Variants in FRMD6 observed in about 807,000 individuals in gnomAD.
The protein encoded by FRMD6 is FERM domain-containing protein 6.
Under a neutral mutation model 73.2 loss-of-function variants are expected in FRMD6, and 37 were observed. That is an observed-to-expected ratio of 0.51 (90% CI 0.39 to 0.66). The LOEUF is 0.66. FRMD6 is among the 30% of genes least tolerant of loss of function. The pLI, the probability that FRMD6 is intolerant of heterozygous loss-of-function variation, is 0.00. For synonymous variants in FRMD6, 273 were observed against 282.2 expected (o/e 0.97, Z 0.33); for missense variants, 714 against 780.5 (o/e 0.91, Z 1.02).
At chr14:51,646,699 G>C (rs1226879160) in intron 2 of FRMD6, among the ~76,000 whole-genome samples, 1 of 150,526 alleles carries the variant, frequency 6.6e-6, no homozygotes, top group Non-Finnish European at 1.5e-5. Flanking sequence ...CCTTTGTCCT[G>C]CCCTTCTGCT....
chr14:51,457,781 T>C, the FRMD6 span, among the ~76,000 whole-genome samples: 1 of 152,222 alleles, frequency 6.6e-6, no homozygotes, highest in Non-Finnish European at 1.5e-5. Flanking sequence ...AAAAGCATAT[T>C]GCATGGAGCA....
At chr14:51,698,101 A>G (rs750148111) in intron 2 of FRMD6, 41 bp from the exon 3 acceptor site, 2 of 1,434,054 alleles carry the variant, frequency 1.4e-6, no homozygotes, top group South Asian at 2.3e-5. Flanking sequence ...GGGTGGACTT[A>G]GTTGAATTGT....
At chr14:51,513,022 AC>A (rs1336021835) in intron 1 of FRMD6, among the ~76,000 whole-genome samples, 1 of 152,066 alleles carries the variant, frequency 6.6e-6, no homozygotes, top group East Asian at 1.9e-4. Context: ...GAGGCTTTCC[AC>A]CCTCACTCTC....
At chr14:51,637,464 G>GGC (rs561108447) in intron 2 of FRMD6, 9,356 of 127,938 alleles carry the variant, frequency 0.073, 284 homozygotes, top group Admixed American at 0.14. Context: ...GATACACACA[G>GGC]GCACACACAC....
chr14:51,582,829 A>G (rs1888803815), intron 2 of FRMD6, among the ~76,000 whole-genome samples: 1 of 152,200 alleles, frequency 6.6e-6, no homozygotes, highest in African/African-American at 2.4e-5. Context: ...CTTAGCTTTC[A>G]TGAAATGTCC....
At chr14:51,667,669 C>A (rs10147501) in intron 1 of FRMD6, among the ~76,000 whole-genome samples, 118,966 of 152,016 alleles carry the variant, frequency 0.78, 46,875 homozygotes, top group Non-Finnish European at 0.84. Flanking sequence ...GATTCAGAAA[C>A]ATTGACATGT....
At chr14:51,446,445 G>GACACACACACACACACACACACAC in the FRMD6 span, among the ~76,000 whole-genome samples, 15,993 of 138,994 alleles carry the variant, frequency 0.12, 1,167 homozygotes, top group South Asian at 0.14. Context: ...CTCTTGTGTA[G>GACACACACACACACACACACACAC]ACACACACAC....
chr14:51,709,928 T>C (rs887193739), intron 7 of FRMD6, among the ~76,000 whole-genome samples: 3 of 152,070 alleles, frequency 2.0e-5, no homozygotes, highest in African/African-American at 7.2e-5. Context: ...ACAATATGCT[T>C]CACAAGGTTG....
chr14:51,619,642 C>T (rs1890850277), intron 2 of FRMD6, among the ~76,000 whole-genome samples: 1 of 152,094 alleles, frequency 6.6e-6, no homozygotes, highest in African/African-American at 2.4e-5. Context: ...AGGCTTTTTG[C>T]TAGTGGACAG....
intron 1 of FRMD6, among the ~76,000 whole-genome samples, chr14:51,537,420 G>A (rs374296480): frequency 2.9e-4 from 44 of 152,270 alleles, no homozygotes; most frequent in Middle Eastern, 3.4e-3. Context: ...AGGCTACCTC[G>A]GCTGCTTCTA....
the FRMD6 span, among the ~76,000 whole-genome samples, chr14:51,459,880 C>T: frequency 4.1e-5 from 1 of 24,596 alleles, no homozygotes; most frequent in Admixed American, 4.3e-4. Context: ...AAATTACTGA[C>T]TCTCTTTTTT....
the FRMD6 span, among the ~76,000 whole-genome samples, chr14:51,430,360 A>G: frequency 6.6e-6 from 1 of 152,222 alleles, no homozygotes; most frequent in Admixed American, 6.5e-5. Context: ...CCTGTTAAGT[A>G]CTGCTGACCT....
the FRMD6 span, among the ~76,000 whole-genome samples, chr14:51,471,388 C>T: frequency 6.6e-6 from 1 of 151,726 alleles, no homozygotes; most frequent in African/African-American, 2.4e-5. Flanking sequence ...GTAGTCCCAG[C>T]TACTTGGGAG....
chr14:51,418,162 T>C, the FRMD6 span, among the ~76,000 whole-genome samples: 3 of 152,232 alleles, frequency 2.0e-5, no homozygotes, highest in African/African-American at 7.2e-5. Context: ...TGTCAGCTTG[T>C]CAAAATCATT....
chr14:51,440,643 G>T, the FRMD6 span, among the ~76,000 whole-genome samples: 1 of 152,180 alleles, frequency 6.6e-6, no homozygotes, highest in African/African-American at 2.4e-5. Flanking sequence ...TCAAGGATGG[G>T]CTATAGGACA....
chr14:51,508,700 C>T (rs1029102828), intron 1 of FRMD6, among the ~76,000 whole-genome samples: 7 of 152,270 alleles, frequency 4.6e-5, no homozygotes, highest in African/African-American at 1.7e-4. Context: ...CTGAGCACTC[C>T]CCTCTCTTCA....
intron 1 of FRMD6, among the ~76,000 whole-genome samples, chr14:51,512,215 C>A (rs1387988024): frequency 6.6e-6 from 1 of 152,056 alleles, no homozygotes; most frequent in Non-Finnish European, 1.5e-5. Context: ...AATAGTTATG[C>A]ATATGAAGGT....
intron 2 of FRMD6, among the ~76,000 whole-genome samples, chr14:51,574,402 A>T (rs1888298924): frequency 6.6e-6 from 1 of 152,222 alleles, no homozygotes; most frequent in South Asian, 2.1e-4. Context: ...ATTCATTTTG[A>T]ATTATTAAAA....
intron 1 of FRMD6, among the ~76,000 whole-genome samples, chr14:51,522,013 T>A (rs1304443141): frequency 6.6e-6 from 1 of 152,164 alleles, no homozygotes; most frequent in Non-Finnish European, 1.5e-5. Context: ...GGGTATAGAA[T>A]GAATTACTTT....
Sources: gnomAD v4.1 joint callset for allele counts (sites outside exome capture counted in the v4.1 genomes callset) on GRCh38, gnomAD v4.1.1 for gene constraint, MANE v1.5 for transcripts, NCBI Gene and HGNC (gene_info 2026-07-23, HGNC 2026-07-21) for gene names.